The following STXBP6 variants were observed in gnomAD, a reference collection of about 807,000 sequenced individuals.
STXBP6 encodes the protein syntaxin-binding protein 6.
STXBP6 carries 21 observed loss-of-function variants against 26.9 expected under a neutral mutation model. That is an observed-to-expected ratio of 0.78 (90% CI 0.55 to 1.12). STXBP6 has a LOEUF of 1.12. Ranked by LOEUF, STXBP6 falls within the 50% of genes most tolerant of loss-of-function variation. STXBP6 has a pLI of 0.00. For synonymous variants in STXBP6, 97 were observed against 92.6 expected, an observed-to-expected ratio of 1.05 and a Z score of -0.27; for missense variants, 232 against 257.9, an observed-to-expected ratio of 0.90 and a Z score of 0.69.
chr14:24,829,299 T>C lies in STXBP6; in HGVS notation c.452-10105A>G, dbSNP rs1051886478. ...TCTTGTCTGTTTAAAGTATCTAAAG[T>C]AGTCAAAATAATCAGTCCTATTAAA... On this transcript the variant is annotated intron_variant, in intron 4 of 5. Transcript: ENST00000323944. Among the ~76,000 whole-genome samples the C allele has an allele frequency of 5.9e-5, 9 of 152,336 alleles. 2 individuals carry two copies. The highest frequency in any genetic ancestry group is 3.9e-4 in the Admixed American group (6 of 15,286).
At position 25,049,585 on chromosome 14, in the gene STXBP6, C is replaced by T; in HGVS notation, c.-33+293G>A. 1.0e-6 allele frequency: 1 copy of T among 985,502 alleles called. No homozygotes were observed. Among genetic ancestry groups the T allele is most frequent in the Non-Finnish European group, 1.2e-6 (1 of 830,018 alleles). The allele number at this position is 985,502 out of a possible 1,614,324, so 61.0% of individuals were successfully genotyped here. A position where few individuals can be genotyped will look rare whatever the true frequency, so the allele number is the denominator to read the frequency against. ...CTCAACTTTCTCGGAGGAAATCGCT[C>T]CGTTCTGCGGCTTGCCCAATACTGC... On this transcript the variant is annotated intron_variant, in intron 1 of 5. Transcript: ENST00000323944. This position sits in a 1 kb window ranked among gnomAD's most constrained non-coding sequence, Gnocchi z 5.6.
rs189957504 is a variant in STXBP6, at chr14:25,048,987, T to C, written c.-33+891A>G. The C allele has an allele frequency of 1.4e-4, 29 of 200,134 alleles. 1 individual carries two copies. In the East Asian group the frequency reaches 5.3e-3, roughly 36 times the overall value. 12.4% of individuals were successfully genotyped at this position (200,134 alleles called of 1,614,324 possible). On this transcript the variant is annotated intron_variant, in intron 1 of 5. Transcript: ENST00000323944. ...ATCCTATTCTCTCCCACCCAGTCCC[T>C]AGGGAAGCGTAATAGGAAGGGGAGA...
At chr14:24,966,019 G>C (rs1776419594) in intron 2 of STXBP6, among the ~76,000 whole-genome samples, 1 of 152,162 alleles carries the variant, frequency 6.6e-6, no homozygotes, top group Non-Finnish European at 1.5e-5. Flanking sequence ...ACCACCACTT[G>C]CTCTACCTTT....
chr14:24,989,367 T>C (rs1187095400), intron 1 of STXBP6, among the ~76,000 whole-genome samples: 1 of 152,022 alleles, frequency 6.6e-6, no homozygotes, highest in African/African-American at 2.4e-5. Context: ...AGTTTAAAAA[T>C]AAAAAAGTAC....
chr14:24,935,366 G>C (rs1472091537), intron 2 of STXBP6, among the ~76,000 whole-genome samples: 2 of 152,118 alleles, frequency 1.3e-5, no homozygotes, highest in Non-Finnish European at 2.9e-5. Context: ...GAAGTTAAGA[G>C]AAGTGTCAAA....
At chr14:25,000,290 C>T (rs1413585723) in intron 1 of STXBP6, among the ~76,000 whole-genome samples, 1 of 151,706 alleles carries the variant, frequency 6.6e-6, no homozygotes, top group Non-Finnish European at 1.5e-5. Context: ...GTCTCGATCT[C>T]CTGACCTCGT....
chr14:24,934,950 C>T (rs373382776), intron 2 of STXBP6, among the ~76,000 whole-genome samples: 1 of 152,060 alleles, frequency 6.6e-6, no homozygotes, highest in East Asian at 1.9e-4. Flanking sequence ...ACTTGATTTA[C>T]TTTACATTTA....
intron 2 of STXBP6, among the ~76,000 whole-genome samples, chr14:24,883,805 C>T (rs1412524711): frequency 6.6e-6 from 1 of 152,140 alleles, no homozygotes; most frequent in Non-Finnish European, 1.5e-5. Flanking sequence ...CCCTGGGATT[C>T]TTCTGCAAAA....
chr14:24,969,015 A>G (rs1326006981), intron 2 of STXBP6, among the ~76,000 whole-genome samples: 1 of 152,140 alleles, frequency 6.6e-6, no homozygotes, highest in Non-Finnish European at 1.5e-5. Flanking sequence ...AGGGTTTTAT[A>G]AGGAACACCT....
chr14:24,921,684 C>G (rs2071983102), intron 2 of STXBP6, among the ~76,000 whole-genome samples: 1 of 152,086 alleles, frequency 6.6e-6, no homozygotes, highest in Admixed American at 6.6e-5. Flanking sequence ...CACAGAGGGA[C>G]AGGCACAGAG....
chr14:25,034,248 A>G (rs2075513080), intron 1 of STXBP6, among the ~76,000 whole-genome samples: 2 of 152,076 alleles, frequency 1.3e-5, no homozygotes, highest in African/African-American at 2.4e-5. Context: ...TTGACCCCTA[A>G]CACCCCCACA....
At chr14:24,847,352 T>C (rs1257626618) in intron 4 of STXBP6, among the ~76,000 whole-genome samples, 1 of 152,160 alleles carries the variant, frequency 6.6e-6, no homozygotes, top group Non-Finnish European at 1.5e-5. Context: ...AAGCTTTTCA[T>C]AAAGGTAAAT....
rs1164377996 is a variant in STXBP6 at position 24,811,426 on chromosome 14, C to T, written c.*1283G>A. The T allele has an allele frequency of 6.6e-6, 1 of 152,084 alleles. No individual in the cohort carries two copies. Among genetic ancestry groups the T allele is most frequent in the Non-Finnish European group, 1.5e-5 (1 of 68,020 alleles). 9.4% of individuals were successfully genotyped at this position (152,084 alleles called of 1,614,324 possible). A position where few individuals can be genotyped will look rare whatever the true frequency, so the allele number is the denominator to read the frequency against. ...TGTGTCTGAGATGTGCAGCTTGTCT[C>T]CTAGTTTCACAAAAAAAGCACAGCT... is the stretch of plus-strand genomic sequence containing the variant. On this transcript the variant is annotated 3_prime_UTR_variant, in exon 6 of 6. Coordinates refer to ENST00000323944, the MANE Select transcript of STXBP6 (RefSeq NM_001394410.1).
In STXBP6 at chr14:24,811,066, T is replaced by C. The variant is rs1192840485; in HGVS notation, c.*1643A>G. The C allele has an allele frequency of 1.3e-5, 2 of 152,272 alleles. No individual in the cohort carries two copies. The highest frequency in any genetic ancestry group is 4.8e-5 in the African/African-American group (2 of 41,550). 9.4% of individuals were successfully genotyped at this position (152,272 alleles called of 1,614,324 possible). A position where few individuals can be genotyped will look rare whatever the true frequency, so the allele number is the denominator to read the frequency against. On this transcript the variant is annotated 3_prime_UTR_variant, in exon 6 of 6. Transcript: ENST00000323944. ...AGTATAAAATATTATAGTTAACTTATACAGTTTATTAAATTTTATAGAGGG... is the reference window on the plus strand; with the variant it reads ...AGTATAAAATATTATAGTTAACTTACACAGTTTATTAAATTTTATAGAGGG...
At chr14:24,829,945 G>A (rs1454763681) in intron 4 of STXBP6, among the ~76,000 whole-genome samples, 1 of 152,164 alleles carries the variant, frequency 6.6e-6, no homozygotes, top group Non-Finnish European at 1.5e-5. Context: ...AACAAACACT[G>A]TGCTGTGATA....
At chr14:24,937,141 G>A (rs1230713842) in intron 2 of STXBP6, among the ~76,000 whole-genome samples, 3 of 152,218 alleles carry the variant, frequency 2.0e-5, no homozygotes, top group African/African-American at 4.8e-5. Context: ...GCCTGTCGGC[G>A]GGTGAGGGTG....
chr14:24,930,288 C>T (rs1292234867), intron 2 of STXBP6, among the ~76,000 whole-genome samples: 1 of 152,128 alleles, frequency 6.6e-6, no homozygotes, highest in Non-Finnish European at 1.5e-5. Context: ...TTTATTTGTC[C>T]ATTGAACTTT....
intron 1 of STXBP6, among the ~76,000 whole-genome samples, chr14:25,041,118 C>T (rs1050696623): frequency 2.6e-5 from 4 of 152,024 alleles, no homozygotes; most frequent in Non-Finnish European, 4.4e-5. Flanking sequence ...GTCAGGAGTT[C>T]GAGACCAGCC....
rs528020674 is a variant in STXBP6, at chr14:24,876,640, G to T, written c.155-19483C>A. On this transcript the variant is annotated intron_variant, in intron 2 of 5. Transcript: ENST00000323944. ...CGATGTTCCTGAGAGAGAACACTGAGAATCTTACTTCCCTTGAGATACGCT... is the reference window on the plus strand; with the variant it reads ...CGATGTTCCTGAGAGAGAACACTGATAATCTTACTTCCCTTGAGATACGCT... Among the ~76,000 whole-genome samples the T allele has an allele frequency of 3.2e-4, 49 of 152,166 alleles. 1 individual carries two copies. Among genetic ancestry groups the T allele is most frequent in the Non-Finnish European group, 5.6e-4 (38 of 68,028 alleles).
Sources: gnomAD v4.1 joint callset for allele counts (sites outside exome capture counted in the v4.1 genomes callset) on GRCh38, gnomAD v4.1.1 for gene constraint, Gnocchi (gnomAD v3.1) non-coding constraint, MANE v1.5 for transcripts, NCBI Gene and HGNC (gene_info 2026-07-23, HGNC 2026-07-21) for gene names.